NID1: variants seen among roughly 807,000 people sequenced by gnomAD.
NID1 encodes nidogen-1.
A neutral mutation model predicts 130.6 loss-of-function variants in NID1; 76 were observed. The observed-to-expected ratio is 0.58, with a 90% CI of 0.48 to 0.70. The LOEUF (loss-of-function observed/expected upper bound fraction) is 0.70, where lower values mean the gene tolerates loss of function less well. NID1 is among the 30% of genes least tolerant of loss of function. The pLI is 0.00. For synonymous variants in NID1, 665 were observed against 675.1 expected (o/e 0.98, Z 0.23); for missense variants, 1,517 against 1,664.8 (o/e 0.91, Z 1.54).
At chr1:235,992,169 G>C (rs1447313112) in intron 13 of NID1, among the ~76,000 whole-genome samples, 2 of 152,184 alleles carry the variant, frequency 1.3e-5, no homozygotes, top group Non-Finnish European at 2.9e-5. Context: ...GCATCTTCCA[G>C]AGCCTGGTCT....
At position 236,048,730 on chromosome 1, in the gene NID1, G is replaced by T; in HGVS notation, c.485C>A (p.Pro162His). Residue 162 changes from proline (P) to histidine (H), a missense_variant, in exon 2 of 20, where the codon CCC (proline) becomes CAC (histidine). Physicochemically the swap from Pro to His is moderately conservative, Grantham distance 77. This residue lies in a region of NID1 where 1,329 missense variants were observed against 1,429.2 expected (regional missense o/e 0.93). Transcript: ENST00000264187. ...AVVVTWESVA[P>H]YQGPSRDPDQ... ...TGGGTCCCTGCTGGGCCCTTGGTAGGGGGCCACGGATTCCCAAGTGACAAC... is the reference window on the plus strand; with the variant it reads ...TGGGTCCCTGCTGGGCCCTTGGTAGTGGGCCACGGATTCCCAAGTGACAAC... The T allele has an allele frequency of 6.2e-7, 1 of 1,612,540 alleles. No homozygotes were observed. The highest frequency in any genetic ancestry group is 8.5e-7 in the Non-Finnish European group (1 of 1,180,004).
rs915984277 is a variant in NID1 at position 236,041,150 on chromosome 1, C to A, written c.1135+760G>T. Among the ~76,000 whole-genome samples, 8 of 152,258 alleles carry A rather than the reference C, an allele frequency of 5.3e-5. No homozygotes were observed. The East Asian group carries it at 7.7e-4, about 15-fold the overall frequency. On this transcript the variant is annotated intron_variant, in intron 4 of 19. Transcript: ENST00000264187. ...TGGCATGATCTCGGCTCACTGCAACCTCTGCCTCCCAGGTTCAAGCAATCC... is the reference window on the plus strand; with the variant it reads ...TGGCATGATCTCGGCTCACTGCAACATCTGCCTCCCAGGTTCAAGCAATCC...
At chr1:236,056,106 G>A (rs978193254) in intron 1 of NID1, among the ~76,000 whole-genome samples, 5 of 151,982 alleles carry the variant, frequency 3.3e-5, no homozygotes, top group Non-Finnish European at 2.9e-5. Flanking sequence ...GAATGAAAAT[G>A]GACCCCTATT....
chr1:236,029,349 G>A (rs1312664699), intron 7 of NID1, among the ~76,000 whole-genome samples: 2 of 152,158 alleles, frequency 1.3e-5, no homozygotes, highest in African/African-American at 2.4e-5. Context: ...TAACTCATGC[G>A]TATTGTCTTT....
intron 12 of NID1, among the ~76,000 whole-genome samples, chr1:236,002,426 C>G (rs1658101276): frequency 6.6e-6 from 1 of 152,128 alleles, no homozygotes; most frequent in African/African-American, 2.4e-5. Context: ...TCGCTTGAAC[C>G]CGGGAGGCGG....
At chr1:236,040,614 T>C (rs1659423532) in intron 4 of NID1, among the ~76,000 whole-genome samples, 2 of 151,016 alleles carry the variant, frequency 1.3e-5, no homozygotes, top group South Asian at 4.2e-4. Context: ...GGATTCCGTA[T>C]CAAACTAATG....
chr1:236,025,255 C>G (rs1658890129), intron 8 of NID1, among the ~76,000 whole-genome samples: 1 of 135,086 alleles, frequency 7.4e-6, no homozygotes, highest in Non-Finnish European at 1.5e-5. Context: ...CTCGGCCCTA[C>G]AATTTCTCTT....
rs6693929 is a variant in NID1 at position 236,029,373 on chromosome 1, C to G, written c.1738+177G>C. 0.24 allele frequency among the ~76,000 whole-genome samples: 35,868 copies of G among 152,100 alleles called. 4,431 individuals are homozygous for G. The highest frequency in any genetic ancestry group is 0.26 in the Non-Finnish European group (17,665 of 67,986). ...CGTATTGTCTTTTTTGCACAAAATTCTCTACAAGGAGTAGTGCGTCCTATG... is the reference window on the plus strand; with the variant it reads ...CGTATTGTCTTTTTTGCACAAAATTGTCTACAAGGAGTAGTGCGTCCTATG... On this transcript the variant is annotated intron_variant, in intron 7 of 19. Transcript: ENST00000264187.
Position 236,024,225 on chromosome 1 carries a change from G to C in NID1, c.1985-12C>G. Reference sequence around the variant, plus strand: ...ATCAGGGGAGCCTTCTGTGAAGACAGAGACATTGGAACCAAGTGAGTCTTC... The same window carrying C: ...ATCAGGGGAGCCTTCTGTGAAGACACAGACATTGGAACCAAGTGAGTCTTC... On this transcript the variant is annotated splice_polypyrimidine_tract_variant and intron_variant, in intron 8 of 19. Coordinates refer to ENST00000264187, the MANE Select transcript of NID1 (RefSeq NM_002508.3). The C allele has an allele frequency of 6.2e-7, 1 of 1,614,002 alleles. No homozygotes were observed. Among genetic ancestry groups the C allele is most frequent in the Non-Finnish European group, 8.5e-7 (1 of 1,179,954 alleles).
chr1:235,997,269 G>A (rs978992175), intron 12 of NID1, among the ~76,000 whole-genome samples: 3 of 152,126 alleles, frequency 2.0e-5, no homozygotes, highest in African/African-American at 7.2e-5. Context: ...TTACGACTAC[G>A]CAACTCTGTG....
chr1:236,038,361 G>A (rs975304891), intron 4 of NID1, 108 bp from the exon 5 acceptor site: 2 of 1,185,376 alleles, frequency 1.7e-6, no homozygotes, highest in Non-Finnish European at 2.3e-6. Flanking sequence ...ACACCTGCAT[G>A]GGCAATTCAA....
chr1:235,984,502 C>A (rs1458857303), intron 15 of NID1, among the ~76,000 whole-genome samples: 1 of 152,152 alleles, frequency 6.6e-6, no homozygotes, highest in Non-Finnish European at 1.5e-5. Context: ...GAAAAAACTA[C>A]ATTCAGTGCC....
chr1:235,996,938 G>A (rs946624029), intron 12 of NID1, among the ~76,000 whole-genome samples: 29 of 151,924 alleles, frequency 1.9e-4, no homozygotes, highest in African/African-American at 4.4e-4. Context: ...GGGTTCAAGC[G>A]ATTCTCCTAC....
chr1:236,048,643 A>T, intron 2 of NID1, 47 bp downstream of exon 2: 1 of 1,583,494 alleles, frequency 6.3e-7, no homozygotes, highest in Non-Finnish European at 8.6e-7. Context: ...AAGTGTATGA[A>T]GCCAATGTGT....
Position 235,981,764 on chromosome 1 carries a change from C to A in NID1, c.3074G>T (p.Gly1025Val). The A allele has an allele frequency of 6.2e-7, 1 of 1,610,576 alleles. No homozygotes were observed. Among genetic ancestry groups the A allele is most frequent in the Non-Finnish European group, 8.5e-7 (1 of 1,178,606 alleles). The stretch of plus-strand genomic sequence containing the variant: ...GCGGCCAAGGTGATCAACAGCGATA[C>A]CTTCTGGACTTCCAAGATCTAGAAG... ...IIRQDLGSPEGIAVDHLGRNI... is the reference protein window; with the variant it reads ...IIRQDLGSPEVIAVDHLGRNI... Residue 1025 changes from glycine (G) to valine (V), a missense_variant, in exon 16 of 20, where the codon GGT becomes GTT. Gly to Val is a moderately radical substitution (Grantham distance 109). Transcript: ENST00000264187.
chr1:236,013,005 AAGG>A (rs951609749), intron 11 of NID1, among the ~76,000 whole-genome samples: 2 of 152,208 alleles, frequency 1.3e-5, no homozygotes, highest in African/African-American at 2.4e-5. Context: ...TGCTTTTTTG[AAGG>A]AGAAGGTTAG....
chr1:235,978,321 T>C (rs1248613953), intron 19 of NID1, among the ~76,000 whole-genome samples: 1 of 152,214 alleles, frequency 6.6e-6, no homozygotes, highest in African/African-American at 2.4e-5. Flanking sequence ...GTTCTTTTTA[T>C]GTAGCTTGCA....
At chr1:236,037,416 G>A (rs752817078) in intron 5 of NID1, among the ~76,000 whole-genome samples, 1 of 152,168 alleles carries the variant, frequency 6.6e-6, no homozygotes, top group African/African-American at 2.4e-5. Flanking sequence ...CCAACATTTC[G>A]GGAGGCCGAG....
intron 5 of NID1, among the ~76,000 whole-genome samples, chr1:236,033,222 C>T (rs1055567357): frequency 3.9e-5 from 6 of 152,158 alleles, no homozygotes; most frequent in African/African-American, 1.4e-4. Context: ...GTGGGATAAT[C>T]GCTTGAACCC....
Sources: allele counts gnomAD v4.1 joint callset (sites outside exome capture counted in the v4.1 genomes callset), GRCh38; gene constraint gnomAD v4.1.1; regional missense constraint gnomAD v4.1.1; transcripts MANE v1.5; gene names NCBI Gene and HGNC (gene_info 2026-07-23, HGNC 2026-07-21).